The following LMOD1 variants were observed in gnomAD, a reference collection of about 807,000 sequenced individuals.
LMOD1 encodes the protein leiomodin 1, also known as leiomodin-1.
Under a neutral mutation model 36.5 loss-of-function variants are expected in LMOD1, and 8 were observed. That is an observed-to-expected ratio of 0.22 (90% CI 0.13 to 0.40). LMOD1 has a LOEUF of 0.40. Among genes scored for constraint, LMOD1 ranks in the 10% least tolerant of loss-of-function variants. The probability of loss-of-function intolerance (pLI) is 1.00; values close to 1 mark genes in which losing one functional copy is unlikely to be tolerated. For synonymous variants in LMOD1, 284 were observed against 288.7 expected (o/e 0.98, Z 0.17); for missense variants, 630 against 751.1 (o/e 0.84, Z 1.88).
At chr1:201,919,613 G>C (rs1247248195) in intron 1 of LMOD1, among the ~76,000 whole-genome samples, 2 of 152,208 alleles carry the variant, frequency 1.3e-5, no homozygotes, top group African/African-American at 2.4e-5. Flanking sequence ...TGAGTGCTCT[G>C]TAGGTATTGG....
chr1:201,924,665 AAAAGAAAGAAAGAAAGAAAGAAAGAAAG>A (rs547652390), intron 1 of LMOD1, among the ~76,000 whole-genome samples: 3,472 of 130,244 alleles, frequency 0.027, 92 homozygotes, highest in South Asian at 0.043. Context: ...AGAAAGAAAA[AAAAGAAAGAAAGAAAGAAAGAAAGAAAG>A]AAAGAAAGAA....
intron 1 of LMOD1, among the ~76,000 whole-genome samples, chr1:201,923,908 G>GGAGA (rs557889560): frequency 0.015 from 1,889 of 124,268 alleles, 34 homozygotes; most frequent in African/African-American, 0.042. Flanking sequence ...AGAGAGGGAG[G>GGAGA]GAGAGAGAGA....
At chr1:201,914,923 G>A (rs771086029) in intron 1 of LMOD1, among the ~76,000 whole-genome samples, 1 of 151,910 alleles carries the variant, frequency 6.6e-6, no homozygotes, top group African/African-American at 2.4e-5. Flanking sequence ...CAGCTGTAGC[G>A]CCAGCCTTCC....
chr1:201,910,076 G>A (rs944898133), intron 1 of LMOD1, among the ~76,000 whole-genome samples: 1 of 152,186 alleles, frequency 6.6e-6, no homozygotes, highest in Non-Finnish European at 1.5e-5. Context: ...GTGCTAATAA[G>A]TGCTTTACTT....
intron 1 of LMOD1, among the ~76,000 whole-genome samples, chr1:201,922,596 C>T (rs1185630878): frequency 1.3e-5 from 2 of 151,918 alleles, no homozygotes; most frequent in African/African-American, 4.8e-5. Flanking sequence ...TGAAGGGTCA[C>T]TGATGATAGC....
At chr1:201,928,424 A>G (rs1045226262) in intron 1 of LMOD1, among the ~76,000 whole-genome samples, 3 of 152,202 alleles carry the variant, frequency 2.0e-5, no homozygotes, top group Non-Finnish European at 4.4e-5. Flanking sequence ...ACCCAGCTGC[A>G]GAATTGGTAT....
At chr1:201,910,504 G>A (rs11586433) in intron 1 of LMOD1, among the ~76,000 whole-genome samples, 2 of 151,758 alleles carry the variant, frequency 1.3e-5, no homozygotes, top group Admixed American at 6.6e-5. Flanking sequence ...GTCTGGTCTC[G>A]AACTCCTGTG....
intron 1 of LMOD1, among the ~76,000 whole-genome samples, chr1:201,908,615 G>A (rs564523659): frequency 4.5e-4 from 68 of 152,116 alleles, no homozygotes; most frequent in African/African-American, 1.6e-3. Flanking sequence ...GGTGCTACAG[G>A]GCGGCCTTCT....
chr1:201,906,915 A>G (rs1258176572), intron 1 of LMOD1, among the ~76,000 whole-genome samples: 1 of 152,090 alleles, frequency 6.6e-6, no homozygotes, highest in African/African-American at 2.4e-5. Flanking sequence ...AGGGAGGTCC[A>G]TTGTCCTATG....
intron 1 of LMOD1, among the ~76,000 whole-genome samples, chr1:201,925,187 G>C (rs74791972): frequency 0.025 from 3,823 of 151,776 alleles, 159 homozygotes; most frequent in African/African-American, 0.088. Context: ...ACTCCAGCCT[G>C]GGCTACAAGA....
At chr1:201,944,526 T>C (rs1450434332) in intron 1 of LMOD1, among the ~76,000 whole-genome samples, 1 of 152,210 alleles carries the variant, frequency 6.6e-6, no homozygotes, top group Non-Finnish European at 1.5e-5. Flanking sequence ...GTATGATTCC[T>C]GATAGCTGTG....
chr1:201,898,328 C>A lies in LMOD1; in HGVS notation c.*44G>T, dbSNP rs759882072. 3.7e-5 allele frequency: 59 copies of A among 1,604,518 alleles called. No homozygotes were observed. The highest frequency in any genetic ancestry group is 4.9e-5 in the Non-Finnish European group (58 of 1,175,062). ...TCTGTGTAGCCCTGGGAGGTGAGGC[C>A]TGAGCAGTCATGGCATTGGCAGATG... On this transcript the variant is annotated 3_prime_UTR_variant, in exon 3 of 3. Transcript: ENST00000367288.
At chr1:201,931,910 CAA>C (rs1681930080) in intron 1 of LMOD1, among the ~76,000 whole-genome samples, 1 of 151,366 alleles carries the variant, frequency 6.6e-6, no homozygotes, top group African/African-American at 2.4e-5. Flanking sequence ...CAAAAAAAAA[CAA>C]ACTAATTTTT....
chr1:201,926,213 T>C (rs1681823281), intron 1 of LMOD1, among the ~76,000 whole-genome samples: 1 of 152,144 alleles, frequency 6.6e-6, no homozygotes. Flanking sequence ...TGTGTGGCCT[T>C]ATGTTTCTCT....
intron 1 of LMOD1, among the ~76,000 whole-genome samples, chr1:201,919,157 G>T (rs1435540333): frequency 2.0e-5 from 3 of 151,378 alleles, no homozygotes; most frequent in African/African-American, 7.3e-5. Context: ...CACTTTTGCT[G>T]GGATTACAGG....
Position 201,900,732 on chromosome 1 carries a change from G to A in LMOD1, c.281C>T (p.Thr94Ile). The A allele has an allele frequency of 6.3e-7, 1 of 1,591,610 alleles. No individual in the cohort carries two copies. Among genetic ancestry groups the A allele is most frequent in the Non-Finnish European group, 8.5e-7 (1 of 1,171,970 alleles). The change falls in exon 2 of 3, where the codon ACC becomes ATC. Residue 94 changes from threonine (T) to isoleucine (I), a missense_variant. Around this residue, in one of 3 missense-constraint regions of LMOD1, gnomAD observed 405 missense variants for 400.6 expected, o/e 1.01. Transcript: ENST00000367288. ...CTCTCCATTCTTGGCATCTGTCTTG[G>A]TCTCCACTTGCTTGCTTTCCTAAGA... ...MSMDESKQVE[T>I]KTDAKNGEER...
intron 1 of LMOD1, among the ~76,000 whole-genome samples, chr1:201,920,045 CTTTTTTTTTTTTTTTTT>C (rs576044641): frequency 5.7e-5 from 3 of 52,532 alleles, no homozygotes; most frequent in South Asian, 8.0e-4. Context: ...GGCTCTCTCT[CTTTTTTTTTTTTTTTTT>C]TTTTTTTTTT....
rs1681258295 is a variant in LMOD1 at position 201,899,586 on chromosome 1, T to C, written c.1427A>G (p.Gln476Arg). 1 of 1,612,880 alleles carries C rather than the reference T, an allele frequency of 6.2e-7. No homozygotes were observed. Among genetic ancestry groups the C allele is most frequent in the East Asian group, 2.2e-5 (1 of 44,848 alleles). ...LLSRNMDKQR[Q>R]KRLQEQRQAQ... ...CTGCCTTTGCTCCTGCAGCCGCTTTTGTCTCTGCTTGTCCATGTTGCGGCT... is the reference window on the plus strand; with the variant it reads ...CTGCCTTTGCTCCTGCAGCCGCTTTCGTCTCTGCTTGTCCATGTTGCGGCT... Residue 476 changes from glutamine to arginine, a missense_variant, in exon 2 of 3, where the codon CAA becomes CGA. Gln to Arg is a conservative substitution (Grantham distance 43, BLOSUM62 1). This residue lies in a region of LMOD1 where 144 missense variants were observed against 169.8 expected (regional missense o/e 0.85). Coordinates refer to ENST00000367288, the MANE Select transcript of LMOD1 (RefSeq NM_012134.3). The surrounding 1 kb of genome is among the most constrained non-coding windows in gnomAD (Gnocchi z 6.3).
At chr1:201,933,532 TATATATATAATA>T (rs1281028853) in intron 1 of LMOD1, among the ~76,000 whole-genome samples, 7 of 93,644 alleles carry the variant, frequency 7.5e-5, no homozygotes, top group Admixed American at 5.2e-4. Flanking sequence ...TCTCTCTCTC[TATATATATAATA>T]CATATATATA....
Sources: allele counts gnomAD v4.1 joint callset (sites outside exome capture counted in the v4.1 genomes callset), GRCh38; gene constraint gnomAD v4.1.1; regional missense constraint gnomAD v4.1.1; non-coding constraint Gnocchi (gnomAD v3.1); transcripts MANE v1.5; gene names NCBI Gene and HGNC (gene_info 2026-07-23, HGNC 2026-07-21).